Variants in ZNF608 observed in about 807,000 individuals in gnomAD.
The protein encoded by ZNF608 is renal carcinoma antigen NY-REN-36.
A neutral mutation model predicts 109.0 loss-of-function variants in ZNF608; 12 were observed. The observed-to-expected ratio is 0.11, with a 90% CI of 0.07 to 0.18. The LOEUF is 0.18. ZNF608 is among the 10% of genes least tolerant of loss of function. The probability of loss-of-function intolerance (pLI) is 1.00; values close to 1 mark genes in which losing one functional copy is unlikely to be tolerated. For synonymous variants in ZNF608, 732 were observed against 717.4 expected (o/e 1.02, Z -0.33); for missense variants, 1,707 against 1,879.3 (o/e 0.91, Z 1.70).
chr5:124,706,141 G>T (rs1408963679), intron 2 of ZNF608, among the ~76,000 whole-genome samples: 1 of 152,206 alleles, frequency 6.6e-6, no homozygotes, highest in Non-Finnish European at 1.5e-5. Flanking sequence ...CGTGTTAATG[G>T]AAGACAGGGT....
At chr5:124,716,717 T>A (rs537659777) in intron 2 of ZNF608, among the ~76,000 whole-genome samples, 1 of 152,360 alleles carries the variant, frequency 6.6e-6, no homozygotes, top group South Asian at 2.1e-4. Flanking sequence ...AATAACTCTT[T>A]AAACTTTAAT....
chr5:124,645,831 T>C (rs1750472137), intron 5 of ZNF608, among the ~76,000 whole-genome samples: 1 of 151,834 alleles, frequency 6.6e-6, no homozygotes, highest in Admixed American at 6.6e-5. Flanking sequence ...ATATAGGGAG[T>C]AAGACTGAAA....
At chr5:124,716,734 T>C (rs1159426344) in intron 2 of ZNF608, among the ~76,000 whole-genome samples, 1 of 152,210 alleles carries the variant, frequency 6.6e-6, no homozygotes, top group East Asian at 1.9e-4. Context: ...TAATAAGTTA[T>C]TATTAGCCCC....
intron 2 of ZNF608, among the ~76,000 whole-genome samples, chr5:124,735,787 A>C (rs1749115155): frequency 6.6e-6 from 1 of 152,262 alleles, no homozygotes; most frequent in Non-Finnish European, 1.5e-5. Context: ...GAGAGGCTCA[A>C]CTGCTCTGTT....
intron 3 of ZNF608, among the ~76,000 whole-genome samples, chr5:124,662,621 C>T (rs1751309992): frequency 6.6e-6 from 1 of 152,236 alleles, no homozygotes; most frequent in Admixed American, 6.5e-5. Context: ...TTGTTAGTAA[C>T]TCAGTCTTTA....
At chr5:124,735,437 C>A (rs985230637) in intron 2 of ZNF608, among the ~76,000 whole-genome samples, 1 of 152,198 alleles carries the variant, frequency 6.6e-6, no homozygotes, top group Non-Finnish European at 1.5e-5. Flanking sequence ...GCCACGCCCC[C>A]AGGAGCCCAG....
intron 2 of ZNF608, among the ~76,000 whole-genome samples, chr5:124,717,240 C>T (rs1015399798): frequency 5.3e-5 from 8 of 151,844 alleles, no homozygotes; most frequent in East Asian, 1.9e-4. Context: ...CCTAGGTGGG[C>T]GAATCACCTG....
intron 3 of ZNF608, among the ~76,000 whole-genome samples, chr5:124,661,303 C>T (rs1178825273): frequency 2.0e-5 from 3 of 152,040 alleles, no homozygotes; most frequent in South Asian, 4.1e-4. Flanking sequence ...TCCCCAGTAC[C>T]GTGACAACAG....
intron 2 of ZNF608, among the ~76,000 whole-genome samples, chr5:124,714,219 G>A (rs1226498149): frequency 6.6e-6 from 1 of 152,150 alleles, no homozygotes; most frequent in East Asian, 1.9e-4. Context: ...TGTGTTTTTG[G>A]TAACATTTTC....
At chr5:124,653,245 T>C (rs1354456613) in intron 3 of ZNF608, among the ~76,000 whole-genome samples, 1 of 152,222 alleles carries the variant, frequency 6.6e-6, no homozygotes, top group Non-Finnish European at 1.5e-5. Context: ...GCCTATTACC[T>C]ACAGAACATT....
rs1293707871 is a variant in ZNF608 at position 124,657,661 on chromosome 5, C to T, written c.1163-7964G>A. On this transcript the variant is annotated intron_variant, in intron 3 of 9. Coordinates refer to ENST00000513986, the MANE Select transcript of ZNF608 (RefSeq NM_020747.3). ...CTGCACTCCAGCCTGGGCGACAGAGCGAGACTCCATCTCAAAAAAACAAAC... is the reference window on the plus strand; with the variant it reads ...CTGCACTCCAGCCTGGGCGACAGAGTGAGACTCCATCTCAAAAAAACAAAC... Among the ~76,000 whole-genome samples the T allele has an allele frequency of 3.3e-5, 5 of 151,876 alleles. No homozygotes were observed. In the East Asian group the frequency reaches 5.8e-4, roughly 18 times the overall value.
intron 2 of ZNF608, among the ~76,000 whole-genome samples, chr5:124,708,350 C>T: frequency 6.6e-6 from 1 of 152,194 alleles, no homozygotes. Context: ...CTTAAAAGGT[C>T]ACTCAGGGTC....
intron 3 of ZNF608, among the ~76,000 whole-genome samples, chr5:124,688,382 G>A (rs1016751682): frequency 2.0e-5 from 3 of 152,160 alleles, no homozygotes; most frequent in Admixed American, 6.5e-5. Context: ...TAAGGAGAAA[G>A]TCTCATTCCC....
chr5:124,681,688 G>A (rs1402558748), intron 3 of ZNF608, among the ~76,000 whole-genome samples: 3 of 152,174 alleles, frequency 2.0e-5, no homozygotes, highest in African/African-American at 7.2e-5. Flanking sequence ...ATTTGTGGCT[G>A]TAGTGTACTA....
At chr5:124,638,489 T>C (rs1049397747) in intron 9 of ZNF608, among the ~76,000 whole-genome samples, 1 of 152,174 alleles carries the variant, frequency 6.6e-6, no homozygotes, top group Non-Finnish European at 1.5e-5. Flanking sequence ...ACTCCCGACC[T>C]CAGGTGATCC....
chr5:124,716,295 C>G (rs1241873633), intron 2 of ZNF608, among the ~76,000 whole-genome samples: 5 of 151,316 alleles, frequency 3.3e-5, no homozygotes, highest in African/African-American at 1.2e-4. Context: ...AATCTAATAA[C>G]CATAACCAAA....
Position 124,639,232 on chromosome 5 carries a change from T to C in ZNF608, c.4451-18A>G. The C allele has an allele frequency of 6.2e-7, 1 of 1,612,076 alleles. No individual in the cohort carries two copies. The highest frequency in any genetic ancestry group is 8.5e-7 in the Non-Finnish European group (1 of 1,178,162). On this transcript the variant is annotated intron_variant, in intron 8 of 9. Coordinates refer to ENST00000513986, the MANE Select transcript of ZNF608 (RefSeq NM_020747.3). The stretch of plus-strand genomic sequence containing the variant: ...GGTCAAGCCTAATGGGGAAAAAATG[T>C]AGAGTGTCTGTGATCTTTAGAAGGA...
chr5:124,679,907 G>C (rs546722060), intron 3 of ZNF608, among the ~76,000 whole-genome samples: 1 of 152,290 alleles, frequency 6.6e-6, no homozygotes, highest in East Asian at 1.9e-4. Context: ...TAGAAGTGCA[G>C]ATATTAAAGG....
chr5:124,660,480 T>G (rs970013707), intron 3 of ZNF608, among the ~76,000 whole-genome samples: 1 of 151,988 alleles, frequency 6.6e-6, no homozygotes, highest in African/African-American at 2.4e-5. Flanking sequence ...CAGAATGCAA[T>G]AGGGAAAGCT....
Sources: allele counts gnomAD v4.1 joint callset (sites outside exome capture counted in the v4.1 genomes callset), GRCh38; gene constraint gnomAD v4.1.1; transcripts MANE v1.5; gene names NCBI Gene and HGNC (gene_info 2026-07-23, HGNC 2026-07-21).